Variants in GPC5 observed in about 807,000 individuals in gnomAD.
GPC5 encodes the protein glypican 5, also known as glypican-5.
Under a neutral mutation model 53.9 loss-of-function variants are expected in GPC5, and 47 were observed. That is an observed-to-expected ratio of 0.87 (90% CI 0.69 to 1.11). GPC5 has a LOEUF of 1.11. GPC5 is among the 50% of genes most tolerant of loss of function. GPC5 has a pLI of 0.00. For missense variants in GPC5, 748 were observed against 713.1 expected, an observed-to-expected ratio of 1.05 and a Z score of -0.56; for synonymous variants, 286 against 263.3, an observed-to-expected ratio of 1.09 and a Z score of -0.84.
rs141251154 is a variant in GPC5, at chr13:92,195,962, C to A, written c.1561+50973C>A. ...TTTAAGGAGAGTGTAGCACTTTTAA[C>A]AAGGAGGCGCAGGCCCTTTGGCATG... On this transcript the variant is annotated intron_variant, in intron 7 of 7. Transcript: ENST00000377067. 1.6e-4 allele frequency among the ~76,000 whole-genome samples: 24 copies of A among 152,200 alleles called. No individual in the cohort carries two copies. In the East Asian group the frequency reaches 4.1e-3, roughly 26 times the overall value.
intron 7 of GPC5, among the ~76,000 whole-genome samples, chr13:92,750,514 T>C (rs1249362632): frequency 6.6e-6 from 1 of 152,028 alleles, no homozygotes; most frequent in Non-Finnish European, 1.5e-5. Flanking sequence ...TGAAGAGGCA[T>C]AAGAAAAAAG....
intron 5 of GPC5, among the ~76,000 whole-genome samples, chr13:91,882,670 GTTT>G: frequency 3.4e-5 from 2 of 59,322 alleles, no homozygotes; most frequent in Admixed American, 4.1e-4. Flanking sequence ...TGTTTTTTGG[GTTT>G]TTTTTTTTTT....
intron 6 of GPC5, among the ~76,000 whole-genome samples, chr13:92,107,845 TTC>T (rs1400030200): frequency 6.6e-6 from 1 of 152,166 alleles, no homozygotes; most frequent in Non-Finnish European, 1.5e-5. Context: ...CTAAACCATT[TTC>T]TCTTTTCAGA....
At chr13:92,486,211 G>A (rs771158336) in intron 7 of GPC5, among the ~76,000 whole-genome samples, 2 of 152,052 alleles carry the variant, frequency 1.3e-5, no homozygotes, top group African/African-American at 2.4e-5. Flanking sequence ...GATAGCCCCT[G>A]ACTTAATTAT....
intron 7 of GPC5, among the ~76,000 whole-genome samples, chr13:92,325,883 A>C (rs2043247654): frequency 6.6e-6 from 1 of 152,070 alleles, no homozygotes; most frequent in South Asian, 2.1e-4. Flanking sequence ...GGGCCTCACT[A>C]TACTTTTGGG....
intron 2 of GPC5, among the ~76,000 whole-genome samples, chr13:91,644,955 A>G (rs183919636): frequency 1.7e-4 from 26 of 152,366 alleles, no homozygotes. Flanking sequence ...TCATTGGGCA[A>G]TGGTGGATTT....
chr13:92,620,234 GA>G, intron 7 of GPC5, among the ~76,000 whole-genome samples: 1 of 151,924 alleles, frequency 6.6e-6, no homozygotes. Context: ...AGAAACTCAA[GA>G]AAAAACTTTC....
intron 6 of GPC5, among the ~76,000 whole-genome samples, chr13:92,049,464 C>A (rs2041009583): frequency 6.6e-6 from 1 of 152,024 alleles, no homozygotes; most frequent in Non-Finnish European, 1.5e-5. Flanking sequence ...AAAATCTGAG[C>A]TCCAGATAAA....
chr13:92,761,466 A>C (rs1875171982), intron 7 of GPC5, among the ~76,000 whole-genome samples: 1 of 152,172 alleles, frequency 6.6e-6, no homozygotes, highest in South Asian at 2.1e-4. Flanking sequence ...TGACTTTAAG[A>C]CAAAGAAATC....
chr13:91,751,171 C>G (rs947813556), intron 4 of GPC5, among the ~76,000 whole-genome samples: 2 of 152,158 alleles, frequency 1.3e-5, no homozygotes, highest in East Asian at 1.9e-4. Context: ...GGATCTCCCC[C>G]CAAATTTCTG....
chr13:92,733,319 C>A (rs1414494157), intron 7 of GPC5, among the ~76,000 whole-genome samples: 2 of 151,620 alleles, frequency 1.3e-5, no homozygotes, highest in Non-Finnish European at 3.0e-5. Context: ...AGATTTTGAT[C>A]TTTTTTTCCT....
intron 7 of GPC5, among the ~76,000 whole-genome samples, chr13:92,596,852 C>T (rs182375727): frequency 1.8e-3 from 277 of 152,188 alleles, no homozygotes; most frequent in Non-Finnish European, 3.3e-3. Flanking sequence ...TCTTTGTATA[C>T]ATGTTTAGTG....
At chr13:92,396,219 C>A (rs953287749) in intron 7 of GPC5, among the ~76,000 whole-genome samples, 8 of 152,134 alleles carry the variant, frequency 5.3e-5, no homozygotes, top group Non-Finnish European at 8.8e-5. Flanking sequence ...TGACTTATGG[C>A]AAGCTCACTG....
intron 7 of GPC5, among the ~76,000 whole-genome samples, chr13:92,368,555 A>C (rs2043624230): frequency 6.7e-6 from 1 of 149,338 alleles, no homozygotes; most frequent in Admixed American, 6.7e-5. Context: ...GAGGCAGGAG[A>C]ATCGCTTGAA....
At chr13:92,046,038 G>C (rs897621616) in intron 6 of GPC5, among the ~76,000 whole-genome samples, 4 of 151,894 alleles carry the variant, frequency 2.6e-5, no homozygotes, top group African/African-American at 7.3e-5. Context: ...TTGAACCCGG[G>C]AGGCGGCAGT....
chr13:91,420,949 G>T (rs1014949770), intron 1 of GPC5, among the ~76,000 whole-genome samples: 136 of 152,280 alleles, frequency 8.9e-4, no homozygotes, highest in African/African-American at 3.2e-3. Context: ...ACAGCAGTGT[G>T]AAAATGGACT....
Position 92,430,120 on chromosome 13 carries a change from A to G in GPC5, c.1561+285131A>G, listed in dbSNP as rs185601000. Among the ~76,000 whole-genome samples, 14 of 152,192 alleles carry G rather than the reference A, an allele frequency of 9.2e-5. 1 individual carries two copies. The East Asian group carries it at 2.5e-3, about 27-fold the overall frequency. The stretch of plus-strand genomic sequence containing the variant: ...TTTTAGTCAATTAAAAAATTTAGAA[A>G]AAAAAATTTAAAGAAAAAAAAAGTG... On this transcript the variant is annotated intron_variant, in intron 7 of 7. Coordinates refer to ENST00000377067, the MANE Select transcript of GPC5 (RefSeq NM_004466.6).
rs555705503 is a variant in GPC5 at position 92,278,346 on chromosome 13, C to A, written c.1561+133357C>A. 5.9e-5 allele frequency among the ~76,000 whole-genome samples: 9 copies of A among 152,076 alleles called. 1 individual carries two copies. The highest frequency in any genetic ancestry group is 2.2e-4 in the African/African-American group (9 of 41,534). On this transcript the variant is annotated intron_variant, in intron 7 of 7. Coordinates refer to ENST00000377067, the MANE Select transcript of GPC5 (RefSeq NM_004466.6). Reference sequence around the variant, plus strand: ...ATATGCAGCAAGAAGTGCTTCCAATCTGAATTTAAAATATACCTTACACTC... The same window carrying A: ...ATATGCAGCAAGAAGTGCTTCCAATATGAATTTAAAATATACCTTACACTC...
intron 7 of GPC5, among the ~76,000 whole-genome samples, chr13:92,227,753 T>A (rs569894583): frequency 1.5e-4 from 23 of 152,270 alleles, no homozygotes; most frequent in African/African-American, 5.5e-4. Flanking sequence ...ATTTTTTTCT[T>A]AATTTTTAAT....
Sources: allele counts gnomAD v4.1 joint callset (sites outside exome capture counted in the v4.1 genomes callset), GRCh38; gene constraint gnomAD v4.1.1; transcripts MANE v1.5; gene names NCBI Gene and HGNC (gene_info 2026-07-23, HGNC 2026-07-21).